IFT172: variants seen among roughly 807,000 people sequenced by gnomAD.
IFT172 encodes the protein intraflagellar transport protein 172 homolog.
A neutral mutation model predicts 248.9 loss-of-function variants in IFT172; 164 were observed. The observed-to-expected ratio is 0.66, with a 90% CI of 0.58 to 0.75. The LOEUF (loss-of-function observed/expected upper bound fraction) is 0.75, where lower values mean the gene tolerates loss of function less well. Ranked by LOEUF, IFT172 falls within the 30% of genes least tolerant of loss-of-function variation. The pLI, the probability that IFT172 is intolerant of heterozygous loss-of-function variation, is 0.00. For synonymous variants in IFT172, 729 were observed against 791.6 expected, an observed-to-expected ratio of 0.92 and a Z score of 1.33; for missense variants, 1,950 against 2,192.4, an observed-to-expected ratio of 0.89 and a Z score of 2.21.
intron 3 of IFT172, among the ~76,000 whole-genome samples, 161 bp from the exon 4 acceptor site, chr2:27,484,427 TA>T (rs1312292592): frequency 6.6e-6 from 1 of 151,736 alleles, no homozygotes; most frequent in African/African-American, 2.4e-5. Flanking sequence ...CCGTCTCTAC[TA>T]AAAATACAAA....
intron 1 of IFT172, 148 bp from the exon 2 acceptor site, chr2:27,485,651 G>C: frequency 1.1e-6 from 1 of 912,836 alleles, no homozygotes; most frequent in Non-Finnish European, 1.6e-6. Context: ...TGTGGCCCAT[G>C]CTGGTCTCCA....
At position 27,454,076 on chromosome 2, in the gene IFT172, T is replaced by A; in HGVS notation, c.3617A>T (p.Gln1206Leu). The change falls in exon 33 of 48, where the codon CAG (glutamine) becomes CTG (leucine). Residue 1206 changes from glutamine (Q) to leucine (L), a missense_variant. Physicochemically the swap from Gln to Leu is moderately radical, Grantham distance 113 (BLOSUM62 -2). Coordinates refer to ENST00000260570, the MANE Select transcript of IFT172 (RefSeq NM_015662.3). The surrounding 1 kb of genome is among the most constrained non-coding windows in gnomAD (Gnocchi z 4.2). Reference protein sequence around the residue: ...PDSVAEVLVGQARGALEEKDF... With the variant: ...PDSVAEVLVGLARGALEEKDF... ...CTTCTCCTCCAAGGCCCCCCGGGCC[T>A]GTCCCACAAGCACCTCGGCGACACT... is the stretch of plus-strand genomic sequence containing the variant. The A allele has an allele frequency of 6.2e-7, 1 of 1,614,106 alleles. No individual in the cohort carries two copies. The highest frequency in any genetic ancestry group is 8.5e-7 in the Non-Finnish European group (1 of 1,180,026).
chr2:27,446,255 C>G lies in IFT172; in HGVS notation c.4755+5G>C. 1 of 1,613,964 alleles carries G rather than the reference C, an allele frequency of 6.2e-7. No homozygotes were observed. Among genetic ancestry groups the G allele is most frequent in the Non-Finnish European group, 8.5e-7 (1 of 1,179,814 alleles). On this transcript the variant is annotated splice_donor_5th_base_variant and intron_variant, in intron 43 of 47. Transcript: ENST00000260570. Reference sequence around the variant, plus strand: ...TCTGCCCCACCCTTCCTTGTCCCAGCTCACCTTGGCAGCAATGCCTGCTTC... The same window carrying G: ...TCTGCCCCACCCTTCCTTGTCCCAGGTCACCTTGGCAGCAATGCCTGCTTC...
At chr2:27,464,709 C>G (rs1666957310) in intron 18 of IFT172, among the ~76,000 whole-genome samples, 1 of 151,944 alleles carries the variant, frequency 6.6e-6, no homozygotes, top group Middle Eastern at 3.2e-3. Context: ...ACTTTGCCTC[C>G]CGGGTTCAAG....
rs112139627 is a variant in IFT172 at position 27,456,895 on chromosome 2, A to G, written c.3229-242T>C. Among the ~76,000 whole-genome samples the G allele has an allele frequency of 1.3e-3, 199 of 152,132 alleles. 1 individual carries two copies. The highest frequency in any genetic ancestry group is 3.9e-3 in the Admixed American group (59 of 15,286). On this transcript the variant is annotated intron_variant, in intron 29 of 47. Coordinates refer to ENST00000260570, the MANE Select transcript of IFT172 (RefSeq NM_015662.3). ...CCCCATCTCTACTAAAAATACAAAA[A>G]TTAGCTGGGCACGGTGGTGAGTGCC...
intron 35 of IFT172, among the ~76,000 whole-genome samples, chr2:27,450,506 C>T (rs1665560195): frequency 6.6e-6 from 1 of 152,160 alleles, no homozygotes; most frequent in South Asian, 2.1e-4. Context: ...TCTTCATTCA[C>T]ACACACTGGA....
chr2:27,464,507 C>A (rs1666932250), intron 18 of IFT172, among the ~76,000 whole-genome samples: 1 of 151,956 alleles, frequency 6.6e-6, no homozygotes, highest in Non-Finnish European at 1.5e-5. Context: ...CTATACCAAA[C>A]CTGGATTATA....
At chr2:27,489,161 C>T (rs1231234559) in intron 1 of IFT172, among the ~76,000 whole-genome samples, 2 of 152,236 alleles carry the variant, frequency 1.3e-5, no homozygotes, top group African/African-American at 4.8e-5. Context: ...AAAGCCCACC[C>T]TTTCTTCACC....
chr2:27,483,188 TG>T, intron 7 of IFT172, 100 bp downstream of exon 7: 2 of 732,460 alleles, frequency 2.7e-6, no homozygotes, highest in East Asian at 5.0e-5. Flanking sequence ...ATTTATTTTT[TG>T]TTTTTTTGGT....
chr2:27,472,007 C>T (rs1206632528), intron 15 of IFT172: 3 of 564,384 alleles, frequency 5.3e-6, no homozygotes, highest in Non-Finnish European at 9.4e-6. Context: ...CACTGCACTC[C>T]AGCCTGGGTG....
In IFT172 at chr2:27,446,196, G is replaced by C. The variant is rs1006823501; in HGVS notation, c.4755+64C>G. 110 of 1,500,654 alleles carry C rather than the reference G, an allele frequency of 7.3e-5. No individual in the cohort carries two copies. The Admixed American group carries it at 1.0e-3, about 14-fold the overall frequency. The allele number at this position is 1,500,654 out of a possible 1,614,324, so 93.0% of individuals were successfully genotyped here. On this transcript the variant is annotated intron_variant, in intron 43 of 47. Transcript: ENST00000260570. ...AGCTTTCCTCTACCAGAGCAGAAGG[G>C]ATATTCTATTTTCCAACCTTTAACT... is the stretch of plus-strand genomic sequence containing the variant.
At chr2:27,467,218 G>A (rs1321243069) in intron 16 of IFT172, among the ~76,000 whole-genome samples, 1 of 151,814 alleles carries the variant, frequency 6.6e-6, no homozygotes, top group Non-Finnish European at 1.5e-5. Flanking sequence ...TCAATGTACA[G>A]TTTAAATAGC....
chr2:27,458,071 G>A lies in IFT172; in HGVS notation c.2975+55C>T, dbSNP rs148164251. On this transcript the variant is annotated intron_variant, in intron 27 of 47. Coordinates refer to ENST00000260570, the MANE Select transcript of IFT172 (RefSeq NM_015662.3). ...TACACATCCTCAGACCCCATCCCTC[G>A]TCCCAGCCTTGAAATCTCATCTCCC... is the stretch of plus-strand genomic sequence containing the variant. The A allele has an allele frequency of 1.3e-4, 216 of 1,610,932 alleles. No homozygotes were observed. In the African/African-American group the frequency reaches 1.8e-3, roughly 14 times the overall value.
chr2:27,444,629 A>G, intron 47 of IFT172, 108 bp from the exon 48 acceptor site: 1 of 819,502 alleles, frequency 1.2e-6, no homozygotes, highest in Non-Finnish European at 2.0e-6. Context: ...AATCCCACCC[A>G]TCTTTCTAGT....
In IFT172 at chr2:27,461,949, TA is replaced by T. The variant is rs1400072226; in HGVS notation, c.2116-114del. ...CAGCCCATGAGGACCAAAAGCCTTT[TA>T]ACTACTATACCAACAGAAATACTGG... On this transcript the variant is annotated intron_variant, in intron 20 of 47. Transcript: ENST00000260570. 3.9e-6 allele frequency: 4 copies of T among 1,030,700 alleles called. No individual in the cohort carries two copies. The African/African-American group carries it at 6.4e-5, about 16-fold the overall frequency. The allele number at this position is 1,030,700 out of a possible 1,614,324, so 63.8% of individuals were successfully genotyped here.
At chr2:27,471,836 G>A (rs533003069) in intron 15 of IFT172, 5 of 227,106 alleles carry the variant, frequency 2.2e-5, no homozygotes, top group African/African-American at 4.6e-5. Flanking sequence ...TCAGGAGTTC[G>A]AGACCAGCCT....
At chr2:27,453,067 C>G (rs1665826599) in intron 35 of IFT172, 1 of 409,200 alleles carries the variant, frequency 2.4e-6, no homozygotes, top group African/African-American at 2.1e-5. Flanking sequence ...CCTGACCCCT[C>G]TAGCCCACAG....
rs758324408 is a variant in IFT172, at chr2:27,485,466, T to C, written c.77A>G (p.Gln26Arg). ...GCAGACAGCAAATTTGGCATTGTTCTGGGACCAAGCCATGCAGGTCACCTT... is the reference window on the plus strand; with the variant it reads ...GCAGACAGCAAATTTGGCATTGTTCCGGGACCAAGCCATGCAGGTCACCTT... ...AAKVTCMAWS[Q>R]NNAKFAVCTV... Residue 26 changes from glutamine to arginine, a missense_variant, in exon 2 of 48, where the codon CAG becomes CGG. Coordinates refer to ENST00000260570, the MANE Select transcript of IFT172 (RefSeq NM_015662.3). 1 of 1,614,124 alleles carries C rather than the reference T, an allele frequency of 6.2e-7. No homozygotes were observed. The highest frequency in any genetic ancestry group is 1.7e-5 in the Admixed American group (1 of 60,028).
rs1330332625 is a variant in IFT172 at position 27,468,084 on chromosome 2, C to T, written c.1693-2202G>A. On this transcript the variant is annotated intron_variant, in intron 16 of 47. Transcript: ENST00000260570. ...CTGAGGCAGGAGAATTGCTTAAACC[C>T]GGGAGGAAGAGGTTGCAGTAAACCA... 2.7e-5 allele frequency among the ~76,000 whole-genome samples: 4 copies of T among 150,602 alleles called. No homozygotes were observed. The East Asian group carries it at 7.9e-4, about 30-fold the overall frequency.
Sources: allele counts gnomAD v4.1 joint callset (sites outside exome capture counted in the v4.1 genomes callset), GRCh38; gene constraint gnomAD v4.1.1; non-coding constraint Gnocchi (gnomAD v3.1); transcripts MANE v1.5; gene names NCBI Gene and HGNC (gene_info 2026-07-23, HGNC 2026-07-21).